Variants in LRP1B observed in about 807,000 individuals in gnomAD.
LRP1B encodes the protein LDL receptor related protein 1B, also known as low-density lipoprotein receptor-related protein 1B.
LRP1B carries 217 observed loss-of-function variants against 556.6 expected under a neutral mutation model. The observed-to-expected ratio is 0.39, with a 90% CI of 0.35 to 0.44. LRP1B has a LOEUF of 0.44. LRP1B is among the 20% of genes least tolerant of loss of function. The pLI, the probability that LRP1B is intolerant of heterozygous loss-of-function variation, is 1.00. For synonymous variants in LRP1B, 2,047 were observed against 1,865.8 expected (o/e 1.10, Z -2.50); for missense variants, 5,053 against 5,620.8 (o/e 0.90, Z 3.23).
chr2:141,555,354 G>A lies in LRP1B; in HGVS notation c.206-74821C>T, dbSNP rs139227983. Among the ~76,000 whole-genome samples, 100 of 151,986 alleles carry A rather than the reference G, an allele frequency of 6.6e-4. 1 individual carries two copies. Among genetic ancestry groups the A allele is most frequent in the South Asian group, 2.5e-3 (12 of 4,822 alleles). The stretch of plus-strand genomic sequence containing the variant: ...TAGCCACAATTATATGTGTAACTAA[G>A]TAAATAAAAATAAAACAATTTTTAA... On this transcript the variant is annotated intron_variant, in intron 2 of 90. Transcript: ENST00000389484.
intron 7 of LRP1B, among the ~76,000 whole-genome samples, chr2:141,162,374 C>T (rs2222233): frequency 0.68 from 102,938 of 151,754 alleles, 35,356 homozygotes; most frequent in Middle Eastern, 0.82. Context: ...GGAGTATTCA[C>T]GATCTTTTGT....
At position 142,087,855 on chromosome 2, in the gene LRP1B, T is replaced by C. The variant is rs560543949; in HGVS notation, c.82+42793A>G. On this transcript the variant is annotated intron_variant, in intron 1 of 90. Transcript: ENST00000389484. ...AGCAAGCTGTACTTTAAAAGAACAC[T>C]ATCTCTTCCTGCTTAAGATGACCTT... 7.9e-5 allele frequency among the ~76,000 whole-genome samples: 12 copies of C among 152,230 alleles called. No homozygotes were observed. The South Asian group carries it at 2.5e-3, about 32-fold the overall frequency.
chr2:141,250,194 T>C (rs1460151534), intron 4 of LRP1B, among the ~76,000 whole-genome samples: 6 of 152,204 alleles, frequency 3.9e-5, no homozygotes, highest in Non-Finnish European at 5.9e-5. Flanking sequence ...AATAGGATTG[T>C]CTTTTGGTGT....
intron 7 of LRP1B, among the ~76,000 whole-genome samples, chr2:141,181,570 G>T (rs1680994829): frequency 1.3e-5 from 2 of 151,780 alleles, no homozygotes; most frequent in Admixed American, 1.3e-4. Flanking sequence ...CAAAAAAATG[G>T]CAAAGGGAGC....
At chr2:141,255,549 T>C (rs1438857899) in intron 3 of LRP1B, among the ~76,000 whole-genome samples, 1 of 152,100 alleles carries the variant, frequency 6.6e-6, no homozygotes, top group Non-Finnish European at 1.5e-5. Flanking sequence ...TTGGGTATTG[T>C]ATTATAAATG....
At chr2:140,377,400 A>T (rs1683283329) in intron 68 of LRP1B, among the ~76,000 whole-genome samples, 1 of 152,048 alleles carries the variant, frequency 6.6e-6, no homozygotes, top group South Asian at 2.1e-4. Flanking sequence ...TTCACTTCTG[A>T]CTGGACTTGA....
rs1689165030 is a variant in LRP1B at position 141,369,853 on chromosome 2, A to G, written c.343+110543T>C. On this transcript the variant is annotated intron_variant, in intron 3 of 90. Transcript: ENST00000389484. ...CATTCCATACTCTGCTTCCATGTAT[A>G]CACATTATTTAGCTCCCACTTAAAA... Among the ~76,000 whole-genome samples the G allele has an allele frequency of 2.0e-5, 3 of 152,294 alleles. No individual in the cohort carries two copies. The East Asian group carries it at 5.8e-4, about 29-fold the overall frequency.
At chr2:141,614,280 T>C (rs1486832311) in intron 2 of LRP1B, among the ~76,000 whole-genome samples, 1 of 152,010 alleles carries the variant, frequency 6.6e-6, no homozygotes, top group Non-Finnish European at 1.5e-5. Flanking sequence ...AAAATTCCAT[T>C]TCACTGCAAG....
chr2:140,486,811 C>T (rs769842385), intron 58 of LRP1B, among the ~76,000 whole-genome samples: 56 of 151,800 alleles, frequency 3.7e-4, no homozygotes, highest in Middle Eastern at 3.4e-3. Context: ...TTATTAAATA[C>T]AGCTACTTTA....
intron 1 of LRP1B, among the ~76,000 whole-genome samples, chr2:141,840,314 A>G (rs955197350): frequency 8.5e-6 from 1 of 117,628 alleles, no homozygotes; most frequent in Non-Finnish European, 1.6e-5. Context: ...CCCACGCTGG[A>G]GTGCAGTGGC....
intron 27 of LRP1B, among the ~76,000 whole-genome samples, chr2:140,854,986 G>T (rs545090177): frequency 1.3e-5 from 2 of 152,226 alleles, no homozygotes; most frequent in East Asian, 1.9e-4. Flanking sequence ...ATACAGCTGG[G>T]CAGACTGGGT....
chr2:140,443,445 C>T (rs1297847878), intron 65 of LRP1B, among the ~76,000 whole-genome samples: 1 of 152,186 alleles, frequency 6.6e-6, no homozygotes, highest in Non-Finnish European at 1.5e-5. Flanking sequence ...GGATGAGCTT[C>T]TAGAATGGCT....
rs2105171104 is a variant in LRP1B at position 140,373,007 on chromosome 2, C to T, written c.10768+1G>A. ...ATGATATATTACTTCAATCCTTTTACCTGGCTCACAGCTTTTCTCATCTTC... is the reference window on the plus strand; with the variant it reads ...ATGATATATTACTTCAATCCTTTTATCTGGCTCACAGCTTTTCTCATCTTC... On this transcript the variant is annotated splice_donor_variant, in intron 69 of 90. Coordinates refer to ENST00000389484, the MANE Select transcript of LRP1B (RefSeq NM_018557.3). LOFTEE classifies it high-confidence loss of function. 1 of 1,612,886 alleles carries T rather than the reference C, an allele frequency of 6.2e-7. No individual in the cohort carries two copies. The highest frequency in any genetic ancestry group is 8.5e-7 in the Non-Finnish European group (1 of 1,179,424).
At position 140,467,413 on chromosome 2, in the gene LRP1B, G is replaced by T. The variant is rs909442397; in HGVS notation, c.9625+7725C>A. 5.3e-5 allele frequency among the ~76,000 whole-genome samples: 8 copies of T among 151,598 alleles called. 1 individual carries two copies. Among genetic ancestry groups the T allele is most frequent in the African/African-American group, 1.9e-4 (8 of 41,314 alleles). ...GAGGTCAGGAGTTCAAAACCAGCCT[G>T]GCCAACATGGTGAAACCCCATCTCT... On this transcript the variant is annotated intron_variant, in intron 60 of 90. Transcript: ENST00000389484.
At chr2:141,454,798 G>A (rs941315420) in intron 3 of LRP1B, among the ~76,000 whole-genome samples, 1 of 152,076 alleles carries the variant, frequency 6.6e-6, no homozygotes, top group African/African-American at 2.4e-5. Context: ...AGAGAGGAGA[G>A]GAATAGTGCT....
intron 43 of LRP1B, among the ~76,000 whole-genome samples, chr2:140,563,197 C>T (rs1680997432): frequency 6.6e-6 from 1 of 152,052 alleles, no homozygotes; most frequent in African/African-American, 2.4e-5. Flanking sequence ...CACCCACACA[C>T]ACAAACACAC....
At chr2:141,223,118 G>A (rs1159371283) in intron 6 of LRP1B, among the ~76,000 whole-genome samples, 1 of 152,094 alleles carries the variant, frequency 6.6e-6, no homozygotes, top group African/African-American at 2.4e-5. Context: ...CAGATGACAC[G>A]ATCCTATATC....
intron 2 of LRP1B, among the ~76,000 whole-genome samples, chr2:141,610,150 G>A (rs181694848): frequency 2.3e-4 from 35 of 151,984 alleles, no homozygotes; most frequent in South Asian, 2.3e-3. Flanking sequence ...CCTCTTCTTC[G>A]ATACAGTCTA....
intron 2 of LRP1B, among the ~76,000 whole-genome samples, chr2:141,587,671 A>G (rs1258173567): frequency 1.3e-5 from 2 of 152,176 alleles, no homozygotes; most frequent in African/African-American, 2.4e-5. Flanking sequence ...ATTTCTGAAA[A>G]CCTATGAGAA....
Sources: gnomAD v4.1 joint callset for allele counts (sites outside exome capture counted in the v4.1 genomes callset) on GRCh38, gnomAD v4.1.1 for gene constraint, MANE v1.5 for transcripts, NCBI Gene and HGNC (gene_info 2026-07-23, HGNC 2026-07-21) for gene names.